Variants in MAB21L4 observed in about 807,000 individuals in gnomAD.
The protein encoded by MAB21L4 is protein mab-21-like 4.
Under a neutral mutation model 32.4 loss-of-function variants are expected in MAB21L4, and 25 were observed. That is an observed-to-expected ratio of 0.77 (90% CI 0.56 to 1.08). The LOEUF is 1.08. MAB21L4 is among the 50% of genes least tolerant of loss of function. The pLI is 0.00. For synonymous variants in MAB21L4, 280 were observed against 276.8 expected, an observed-to-expected ratio of 1.01 and a Z score of -0.11; for missense variants, 638 against 611.0, an observed-to-expected ratio of 1.04 and a Z score of -0.47.
rs2059182662 is a variant in MAB21L4 at position 240,895,802 on chromosome 2, C to T, written c.196G>A (p.Glu66Lys). 1.9e-6 allele frequency: 3 copies of T among 1,603,650 alleles called. No homozygotes were observed. The highest frequency in any genetic ancestry group is 3.3e-4 in the Middle Eastern group (2 of 6,020). Reference sequence around the variant, plus strand: ...GAGCGCAGGGCGAACTGGAAGGCCTCCAGGCCACGGGAGTAGTCCACGATG... The same window carrying T: ...GAGCGCAGGGCGAACTGGAAGGCCTTCAGGCCACGGGAGTAGTCCACGATG... Reference protein sequence around the residue: ...RFIVDYSRGLEAFQFALRSSE... With the variant: ...RFIVDYSRGLKAFQFALRSSE... The change falls in exon 1 of 5, where the codon GAG (glutamate) becomes AAG (lysine). Residue 66 changes from glutamate (E) to lysine (K), a missense_variant. Transcript: ENST00000388934.
chr2:240,890,288 C>A, intron 2 of MAB21L4, 130 bp from the exon 3 acceptor site: 1 of 1,174,178 alleles, frequency 8.5e-7, no homozygotes, highest in Non-Finnish European at 1.2e-6. Flanking sequence ...TGGGACCCAG[C>A]CGGAACCCAG....
At chr2:240,896,476 T>A (rs968965798), upstream of MAB21L4, among the ~76,000 whole-genome samples, 1 of 152,134 alleles carries the variant, frequency 6.6e-6, no homozygotes, top group Admixed American at 6.5e-5. Flanking sequence ...CAGGCCCCCC[T>A]GCCCCAGCCT....
intron 1 of MAB21L4, among the ~76,000 whole-genome samples, chr2:240,893,536 A>C (rs1180221521): frequency 6.6e-6 from 1 of 152,234 alleles, no homozygotes; most frequent in Non-Finnish European, 1.5e-5. Context: ...CAACTGCACC[A>C]GCCCGGCCAC....
Position 240,891,615 on chromosome 2 carries a change from G to A in MAB21L4, c.663C>T (p.Pro221=), listed in dbSNP as rs373352468. The change falls in exon 2 of 5, where the codon CCC becomes CCT. Residue 221 remains proline (P), a synonymous_variant. Coordinates refer to ENST00000388934, the MANE Select transcript of MAB21L4 (RefSeq NM_001085437.3). The part of the protein sequence containing the change: ...APALEGVQQM[P]GFPEGSLRRI... ...TTCTCAAGCTGCCCTCAGGGAATCCGGGCATCTGCTGCACCCCCTCCAGGG... is the reference window on the plus strand; with the variant it reads ...TTCTCAAGCTGCCCTCAGGGAATCCAGGCATCTGCTGCACCCCCTCCAGGG... The A allele has an allele frequency of 1.4e-4, 220 of 1,609,534 alleles. No individual in the cohort carries two copies. Among genetic ancestry groups the A allele is most frequent in the East Asian group, 2.7e-4 (12 of 44,878 alleles).
rs1356150365 is a variant in MAB21L4, at chr2:240,895,535, G to T, written c.463C>A (p.Leu155Met). Residue 155 changes from leucine (L) to methionine (M), a missense_variant, in exon 1 of 5, where the codon CTG (leucine) becomes ATG (methionine). Leu to Met is a conservative substitution (Grantham distance 15, BLOSUM62 2). Transcript: ENST00000388934. ...CAGTGTACGATGGCTGCTACCAGCA[G>T]GTCCTTGAGGACACACAGGACCTTG... ...PSKVLCVLKD[L>M]LVAAIVHCKH... 1.9e-6 allele frequency: 3 copies of T among 1,603,496 alleles called. No homozygotes were observed. Among genetic ancestry groups the T allele is most frequent in the Non-Finnish European group, 2.6e-6 (3 of 1,174,414 alleles).
intron 1 of MAB21L4, among the ~76,000 whole-genome samples, chr2:240,892,428 C>G (rs1011727622): frequency 6.6e-6 from 1 of 151,774 alleles, no homozygotes; most frequent in African/African-American, 2.4e-5. Context: ...GCATGGGAAG[C>G]CCATGTTGGA....
intron 1 of MAB21L4, among the ~76,000 whole-genome samples, chr2:240,894,585 A>T (rs2059174669): frequency 6.6e-6 from 1 of 152,204 alleles, no homozygotes; most frequent in African/African-American, 2.4e-5. Flanking sequence ...TGGGCGGATC[A>T]TCTGAAGTCA....
At position 240,893,925 on chromosome 2, in the gene MAB21L4, G is replaced by C. The variant is rs2059170795; in HGVS notation, c.514+1559C>G. ...ATGATTAGAGGTTCAGAAGATGCTG[G>C]AGCAGGAAGCCCGAGGGGCTGGGGG... On this transcript the variant is annotated intron_variant, in intron 1 of 4. Coordinates refer to ENST00000388934, the MANE Select transcript of MAB21L4 (RefSeq NM_001085437.3). Among the ~76,000 whole-genome samples the C allele has an allele frequency of 2.0e-5, 3 of 152,032 alleles. No individual in the cohort carries two copies. In the South Asian group the frequency reaches 6.2e-4, roughly 32 times the overall value.
At position 240,886,334 on chromosome 2, in the gene MAB21L4, A is replaced by G. The variant is rs1280239587; in HGVS notation, c.*736T>C. 1 of 152,192 alleles carries G rather than the reference A, an allele frequency of 6.6e-6. No individual in the cohort carries two copies. The highest frequency in any genetic ancestry group is 1.5e-5 in the Non-Finnish European group (1 of 68,064). 9.4% of individuals were successfully genotyped at this position (152,192 alleles called of 1,614,324 possible). A position where few individuals can be genotyped will look rare whatever the true frequency, so the allele number is the denominator to read the frequency against. On this transcript the variant is annotated 3_prime_UTR_variant, in exon 5 of 5. Transcript: ENST00000388934. ...GGCCCCTCCTCCAACACTGGGGATT[A>G]CAAGTCTACCTGAGACTTGGGTGGG...
At position 240,890,122 on chromosome 2, in the gene MAB21L4, C is replaced by A. The variant is rs761965275; in HGVS notation, c.777G>T (p.Gly259=). 10 of 1,611,416 alleles carry A rather than the reference C, an allele frequency of 6.2e-6. No homozygotes were observed. The highest frequency in any genetic ancestry group is 7.6e-6 in the Non-Finnish European group (9 of 1,178,454). Residue 259 remains glycine (G), a synonymous_variant, in exon 3 of 5, where the codon GGG becomes GGT. Coordinates refer to ENST00000388934, the MANE Select transcript of MAB21L4 (RefSeq NM_001085437.3). ...GATGACCCTGCAGGGAGCCCAGCTC[C>A]CCCAGCAGCCTCGTGAGCAGGTAGT... is the stretch of plus-strand genomic sequence containing the variant. The part of the protein sequence containing the change: ...STDYLLTRLL[G]ELGSLQGHRL...
In MAB21L4 at chr2:240,888,590, T is replaced by A; in HGVS notation, c.953A>T (p.Gln318Leu). 1 of 1,606,552 alleles carries A rather than the reference T, an allele frequency of 6.2e-7. No individual in the cohort carries two copies. The change falls in exon 4 of 5, where the codon CAG (glutamine) becomes CTG (leucine). Residue 318 changes from glutamine (Q) to leucine (L), a missense_variant. Transcript: ENST00000388934. ...FLAPEDWAELQGAVYRLLVVL... is the reference protein window; with the variant it reads ...FLAPEDWAELLGAVYRLLVVL... ...CACCAGCAGGCGGTACACGGCGCCC[T>A]GCAGTTCTGCCCAGTCCTCGGGCGC... is the stretch of plus-strand genomic sequence containing the variant.
intron 4 of MAB21L4, 58 bp from the exon 5 acceptor site, chr2:240,887,220 C>G (rs542712354): frequency 1.4e-6 from 2 of 1,413,138 alleles, no homozygotes; most frequent in Admixed American, 3.4e-5. Context: ...CCATGATAAG[C>G]TCTCAGGGCC....
Position 240,890,071 on chromosome 2 carries a change from G to T in MAB21L4, c.828C>A (p.Asp276Glu), listed in dbSNP as rs377723939. The T allele has an allele frequency of 3.7e-6, 6 of 1,613,390 alleles. No homozygotes were observed. Among genetic ancestry groups the T allele is most frequent in the African/African-American group, 1.3e-5 (1 of 74,928 alleles). The stretch of plus-strand genomic sequence containing the variant: ...CACGCCAGCTCTCGTGGTTGACCCG[G>T]TCGAGGATGGAGAGGCTGTCCAGGC... ...GHRLDSLSIL[D>E]RVNHESWRDS... Residue 276 changes from aspartate (D) to glutamate (E), a missense_variant, in exon 3 of 5, where the codon GAC (aspartate) becomes GAA (glutamate). Coordinates refer to ENST00000388934, the MANE Select transcript of MAB21L4 (RefSeq NM_001085437.3).
intron 2 of MAB21L4, 50 bp from the exon 3 acceptor site, chr2:240,890,208 C>T (rs775117353): frequency 2.4e-5 from 37 of 1,558,700 alleles, no homozygotes; most frequent in Non-Finnish European, 2.7e-5. Flanking sequence ...TGTTGGCCCC[C>T]AGCATGGGGA....
rs1190555315 is a variant in MAB21L4, at chr2:240,891,937, C to T, written c.515-174G>A. 4 of 1,566,238 alleles carry T rather than the reference C, an allele frequency of 2.6e-6. No homozygotes were observed. In the African/African-American group the frequency reaches 5.4e-5, roughly 21 times the overall value. ...CTCCCCAACCCCAGACACCTGTGTC[C>T]ATCCCTGGACCTCAGCCAAGTGAGG... On this transcript the variant is annotated intron_variant, in intron 1 of 4. Transcript: ENST00000388934.
At chr2:240,888,773 G>A in intron 3 of MAB21L4, 125 bp from the exon 4 acceptor site, 1 of 614,216 alleles carries the variant, frequency 1.6e-6, no homozygotes. Flanking sequence ...TTCCTACCCT[G>A]TGCCCTCCCC....
intron 3 of MAB21L4, 35 bp from the exon 4 acceptor site, chr2:240,888,683 C>A: frequency 7.7e-7 from 1 of 1,294,186 alleles, no homozygotes; most frequent in Non-Finnish European, 1.0e-6. Flanking sequence ...GGCCTCCTGG[C>A]CCACCCGGCC....
intron 3 of MAB21L4, among the ~76,000 whole-genome samples, chr2:240,889,474 G>GT (rs1482328510): frequency 6.6e-6 from 1 of 152,200 alleles, no homozygotes; most frequent in African/African-American, 2.4e-5. Flanking sequence ...CTTCCTCGGG[G>GT]TTGGGGTGGG....
chr2:240,889,740 G>A (rs943580968), intron 3 of MAB21L4, among the ~76,000 whole-genome samples: 5 of 152,176 alleles, frequency 3.3e-5, no homozygotes, highest in African/African-American at 1.2e-4. Context: ...CAGTGTCCCA[G>A]GGCCAGGAGG....
Sources: allele counts gnomAD v4.1 joint callset (sites outside exome capture counted in the v4.1 genomes callset), GRCh38; gene constraint gnomAD v4.1.1; transcripts MANE v1.5; gene names NCBI Gene and HGNC (gene_info 2026-07-23, HGNC 2026-07-21).